The following MDGA2 variants were observed in gnomAD, a reference collection of about 807,000 sequenced individuals.
MDGA2 encodes MAM domain containing glycosylphosphatidylinositol anchor 2, also known as MAM domain-containing glycosylphosphatidylinositol anchor protein 2.
A neutral mutation model predicts 117.8 loss-of-function variants in MDGA2; 40 were observed. The ratio of observed to expected loss-of-function variants is 0.34; its 90% CI spans 0.26 to 0.44. The LOEUF (loss-of-function observed/expected upper bound fraction) is 0.44, where lower values mean the gene tolerates loss of function less well. Ranked by LOEUF, MDGA2 falls within the 20% of genes least tolerant of loss-of-function variation. MDGA2 has a pLI of 1.00. For missense variants in MDGA2, 1,123 were observed against 1,250.6 expected (o/e 0.90, Z 1.54); for synonymous variants, 452 against 439.0 (o/e 1.03, Z -0.37).
chr14:47,208,117 A>G (rs1355054577), intron 3 of MDGA2, among the ~76,000 whole-genome samples: 1 of 152,014 alleles, frequency 6.6e-6, no homozygotes, highest in African/African-American at 2.4e-5. Flanking sequence ...TTAATTTTAA[A>G]GAGCTTCTTA....
At chr14:47,342,143 G>A (rs12433443) in intron 1 of MDGA2, among the ~76,000 whole-genome samples, 13,651 of 151,832 alleles carry the variant, frequency 0.09, 747 homozygotes, top group Non-Finnish European at 0.11. Flanking sequence ...GAGCCACTGC[G>A]CCTGGCCTGG....
At chr14:47,587,040 A>G (rs1333723557) in intron 1 of MDGA2, among the ~76,000 whole-genome samples, 3 of 152,014 alleles carry the variant, frequency 2.0e-5, no homozygotes, top group African/African-American at 7.2e-5. Context: ...GTGCTCCTAC[A>G]ATAATGAAGG....
chr14:47,540,373 C>G (rs1895319156), intron 1 of MDGA2, among the ~76,000 whole-genome samples: 1 of 151,774 alleles, frequency 6.6e-6, no homozygotes, highest in African/African-American at 2.4e-5. Flanking sequence ...TCCTAACTAT[C>G]CTATTTAAAA....
At chr14:47,092,815 A>C (rs566053349) in intron 6 of MDGA2, among the ~76,000 whole-genome samples, 1 of 152,186 alleles carries the variant, frequency 6.6e-6, no homozygotes, top group African/African-American at 2.4e-5. Context: ...GGCTGCTTAG[A>C]GGAAAAAGGG....
Position 47,306,968 on chromosome 14 carries a change from A to G in MDGA2, c.281-5418T>C, listed in dbSNP as rs185550696. Among the ~76,000 whole-genome samples, 358 of 152,182 alleles carry G rather than the reference A, an allele frequency of 2.4e-3. 2 individuals carry two copies. The highest frequency in any genetic ancestry group is 8.0e-3 in the African/African-American group (332 of 41,532). On this transcript the variant is annotated intron_variant, in intron 1 of 16. Transcript: ENST00000399232. ...TACTTATACCATTCTCTTAGCTGTC[A>G]TTCTGTTTTGCTTGTAAAGCAAACA... is the stretch of plus-strand genomic sequence containing the variant.
chr14:47,147,605 C>A (rs1355257447), intron 3 of MDGA2, among the ~76,000 whole-genome samples: 1 of 152,130 alleles, frequency 6.6e-6, no homozygotes, highest in Non-Finnish European at 1.5e-5. Context: ...CTAGAGAGAG[C>A]AATTTTACCT....
intron 1 of MDGA2, among the ~76,000 whole-genome samples, chr14:47,396,546 C>T (rs4900746): frequency 0.16 from 25,020 of 151,932 alleles, 2,541 homozygotes; most frequent in East Asian, 0.54. Context: ...TCAGAGTGAA[C>T]AGGCAACCTA....
At chr14:47,547,651 C>A (rs941019298) in intron 1 of MDGA2, among the ~76,000 whole-genome samples, 4 of 152,148 alleles carry the variant, frequency 2.6e-5, no homozygotes, top group African/African-American at 7.2e-5. Context: ...ATAAAAGTTG[C>A]TTACTGCTTT....
chr14:46,848,281 T>G (rs534471121), intron 15 of MDGA2, among the ~76,000 whole-genome samples: 1 of 152,044 alleles, frequency 6.6e-6, no homozygotes, highest in Admixed American at 6.6e-5. Flanking sequence ...CTTAGCTATG[T>G]AAAGGTAAAA....
intron 3 of MDGA2, among the ~76,000 whole-genome samples, chr14:47,196,543 G>A (rs1012920485): frequency 1.3e-5 from 2 of 152,062 alleles, no homozygotes; most frequent in Middle Eastern, 3.2e-3. Context: ...ATAAACAGAT[G>A]AATAGTGGCA....
chr14:47,659,979 T>C (rs1472286015), intron 1 of MDGA2, among the ~76,000 whole-genome samples: 1 of 152,146 alleles, frequency 6.6e-6, no homozygotes, highest in South Asian at 2.1e-4. Context: ...TTTCAAGCAT[T>C]TGGTCAGATA....
intron 1 of MDGA2, among the ~76,000 whole-genome samples, chr14:47,350,195 C>A (rs1890848307): frequency 6.6e-6 from 1 of 152,174 alleles, no homozygotes; most frequent in Non-Finnish European, 1.5e-5. Context: ...GTAACTAACC[C>A]CACTTTATAC....
chr14:47,032,212 A>C (rs1444227098), intron 8 of MDGA2, among the ~76,000 whole-genome samples: 1 of 152,344 alleles, frequency 6.6e-6, no homozygotes, highest in Non-Finnish European at 1.5e-5. Flanking sequence ...GATATAACTT[A>C]GTTTTTAATA....
At chr14:46,893,791 T>G (rs748179028) in intron 10 of MDGA2, among the ~76,000 whole-genome samples, 92 of 152,176 alleles carry the variant, frequency 6.0e-4, no homozygotes, top group Admixed American at 2.0e-4. Flanking sequence ...AAAGTTATCT[T>G]CTGTGTTTTT....
At chr14:47,286,706 C>T (rs1402157634) in intron 2 of MDGA2, among the ~76,000 whole-genome samples, 2 of 151,080 alleles carry the variant, frequency 1.3e-5, no homozygotes, top group Non-Finnish European at 2.9e-5. Context: ...ATATATTTTA[C>T]CCTCCAGAGC....
At chr14:47,189,073 G>A (rs1458944368) in intron 3 of MDGA2, among the ~76,000 whole-genome samples, 2 of 152,038 alleles carry the variant, frequency 1.3e-5, no homozygotes. Context: ...TTAATTTGAG[G>A]TATTTTTCAG....
At chr14:47,257,577 T>C (rs180705263) in intron 2 of MDGA2, among the ~76,000 whole-genome samples, 425 of 152,300 alleles carry the variant, frequency 2.8e-3, no homozygotes, top group Non-Finnish European at 4.0e-3. Context: ...CATAAGTGGT[T>C]TGCCTAGAAC....
At chr14:47,182,680 G>A (rs759523788) in intron 3 of MDGA2, among the ~76,000 whole-genome samples, 66 of 152,152 alleles carry the variant, frequency 4.3e-4, no homozygotes, top group Admixed American at 2.5e-3. Context: ...AACCAAAGAT[G>A]CATACTTTAA....
chr14:47,367,436 A>T (rs960644024), intron 1 of MDGA2, among the ~76,000 whole-genome samples: 1 of 152,344 alleles, frequency 6.6e-6, no homozygotes, highest in Admixed American at 6.5e-5. Context: ...AGCATCCAGG[A>T]AATATCTTTA....
Sources: allele counts gnomAD v4.1 joint callset (sites outside exome capture counted in the v4.1 genomes callset), GRCh38; gene constraint gnomAD v4.1.1; transcripts MANE v1.5; gene names NCBI Gene and HGNC (gene_info 2026-07-23, HGNC 2026-07-21).